The following PPP2R2B variants were observed in gnomAD, a reference collection of about 807,000 sequenced individuals.
PPP2R2B encodes protein phosphatase 2 regulatory subunit Bbeta.
A neutral mutation model predicts 46.0 loss-of-function variants in PPP2R2B; 5 were observed. The observed-to-expected ratio is 0.11, with a 90% CI of 0.06 to 0.23. The LOEUF is 0.23. Among genes scored for constraint, PPP2R2B ranks in the 10% least tolerant of loss-of-function variants. PPP2R2B has a pLI of 1.00. For missense variants in PPP2R2B, 367 were observed against 575.0 expected (o/e 0.64, Z 3.70); for synonymous variants, 215 against 206.7 (o/e 1.04, Z -0.34).
chr5:146,835,142 A>G (rs1759202859), intron 2 of PPP2R2B, among the ~76,000 whole-genome samples: 1 of 152,182 alleles, frequency 6.6e-6, no homozygotes, highest in Non-Finnish European at 1.5e-5. Context: ...ATGAAAAATA[A>G]TCTCGAAGAT....
intron 5 of PPP2R2B, among the ~76,000 whole-genome samples, chr5:146,660,854 T>A (rs1776624447): frequency 6.6e-6 from 1 of 152,232 alleles, no homozygotes; most frequent in Non-Finnish European, 1.5e-5. Flanking sequence ...AGGTAGTATG[T>A]GTACACAGTG....
chr5:146,620,674 C>T (rs572226188), intron 7 of PPP2R2B, among the ~76,000 whole-genome samples: 2 of 152,252 alleles, frequency 1.3e-5, no homozygotes, highest in South Asian at 4.2e-4. Context: ...TCCCCAGGCC[C>T]CTGGGCCCAC....
At chr5:146,731,367 G>A (rs779575018) in intron 2 of PPP2R2B, among the ~76,000 whole-genome samples, 7 of 152,174 alleles carry the variant, frequency 4.6e-5, no homozygotes, top group South Asian at 2.1e-4. Flanking sequence ...GGGTCTTATA[G>A]TATCCATTGG....
chr5:146,686,463 A>G (rs1044138747), intron 5 of PPP2R2B, among the ~76,000 whole-genome samples: 2 of 152,236 alleles, frequency 1.3e-5, no homozygotes, highest in Non-Finnish European at 2.9e-5. Context: ...GGAGAGAAAA[A>G]TAGAACCTAA....
chr5:146,838,631 T>C (rs1233889976), intron 2 of PPP2R2B, among the ~76,000 whole-genome samples: 1 of 149,290 alleles, frequency 6.7e-6, no homozygotes, highest in East Asian at 2.0e-4. Context: ...AGTTACATAA[T>C]GGGAAGGAAA....
At chr5:146,795,474 C>G (rs1756472629) in intron 2 of PPP2R2B, among the ~76,000 whole-genome samples, 1 of 152,022 alleles carries the variant, frequency 6.6e-6, no homozygotes, top group South Asian at 2.1e-4. Flanking sequence ...TATGGGAAAT[C>G]TAAAAAAGTT....
At chr5:147,058,859 A>C (rs917773020), upstream of PPP2R2B, among the ~76,000 whole-genome samples, 7 of 152,208 alleles carry the variant, frequency 4.6e-5, no homozygotes, top group African/African-American at 1.7e-4. Flanking sequence ...ATTTATCCAC[A>C]GGAGATCTCA....
chr5:146,784,073 A>G (rs1755696069), intron 2 of PPP2R2B, among the ~76,000 whole-genome samples: 1 of 152,172 alleles, frequency 6.6e-6, no homozygotes, highest in East Asian at 1.9e-4. Context: ...CTTATGCAAT[A>G]AAAAGAACCT....
chr5:146,669,190 CA>C (rs1777188410), intron 5 of PPP2R2B, among the ~76,000 whole-genome samples: 1 of 152,048 alleles, frequency 6.6e-6, no homozygotes, highest in South Asian at 2.1e-4. Context: ...TCTAGGAATA[CA>C]ATTATGTACT....
chr5:146,988,622 G>C (rs573385669), intron 1 of PPP2R2B, among the ~76,000 whole-genome samples: 1 of 151,698 alleles, frequency 6.6e-6, no homozygotes, highest in Non-Finnish European at 1.5e-5. Flanking sequence ...AAAACAGTTT[G>C]GAAAGAGAAG....
intron 2 of PPP2R2B, among the ~76,000 whole-genome samples, chr5:146,709,567 T>C (rs910043692): frequency 3.9e-5 from 6 of 152,188 alleles, no homozygotes; most frequent in Non-Finnish European, 8.8e-5. Flanking sequence ...AGAGTTTTCT[T>C]CCCTGAATAA....
At chr5:146,879,886 G>A (rs1317567925), upstream of PPP2R2B, among the ~76,000 whole-genome samples, 2 of 152,226 alleles carry the variant, frequency 1.3e-5, no homozygotes, top group African/African-American at 4.8e-5. Context: ...ACTGTAGGGA[G>A]AGACATCAGC....
chr5:146,684,445 A>G (rs897211861), intron 5 of PPP2R2B, among the ~76,000 whole-genome samples: 3 of 152,240 alleles, frequency 2.0e-5, no homozygotes, highest in African/African-American at 7.2e-5. Context: ...ATAGACAGAC[A>G]GAACGTGCTT....
At chr5:146,894,403 A>T (rs184564344) in intron 1 of PPP2R2B, among the ~76,000 whole-genome samples, 1 of 152,284 alleles carries the variant, frequency 6.6e-6, no homozygotes, top group African/African-American at 2.4e-5. Flanking sequence ...ATTGTGATTT[A>T]TAGGCCTTGC....
At chr5:146,996,818 C>T (rs1212568024) in intron 1 of PPP2R2B, among the ~76,000 whole-genome samples, 1 of 152,044 alleles carries the variant, frequency 6.6e-6, no homozygotes, top group Admixed American at 6.5e-5. Flanking sequence ...GGGATCAATT[C>T]TCCCTCCCAC....
At chr5:147,028,460 C>A (rs1755629469) in intron 1 of PPP2R2B, among the ~76,000 whole-genome samples, 1 of 152,134 alleles carries the variant, frequency 6.6e-6, no homozygotes, top group Non-Finnish European at 1.5e-5. Context: ...TATCCCAAAG[C>A]AAACACCATC....
intron 7 of PPP2R2B, among the ~76,000 whole-genome samples, chr5:146,634,783 C>T (rs764240809): frequency 1.3e-5 from 2 of 151,092 alleles, no homozygotes; most frequent in Non-Finnish European, 2.9e-5. Context: ...CACACACACA[C>T]CCCCTACTGG....
chr5:146,850,930 A>G (rs1327383313), intron 2 of PPP2R2B, among the ~76,000 whole-genome samples: 2 of 152,136 alleles, frequency 1.3e-5, no homozygotes, highest in Non-Finnish European at 2.9e-5. Flanking sequence ...TTTCTAGAAT[A>G]TTAAAGTCCT....
chr5:146,850,426 C>T (rs1387774447), intron 2 of PPP2R2B, among the ~76,000 whole-genome samples: 2 of 152,046 alleles, frequency 1.3e-5, no homozygotes, highest in Non-Finnish European at 2.9e-5. Flanking sequence ...GCAAAAATGG[C>T]TCATATATTT....
Sources: allele counts gnomAD v4.1 joint callset (sites outside exome capture counted in the v4.1 genomes callset), GRCh38; gene constraint gnomAD v4.1.1; transcripts MANE v1.5; gene names NCBI Gene and HGNC (gene_info 2026-07-23, HGNC 2026-07-21).